Variants in STON2 observed in about 807,000 individuals in gnomAD.
The protein encoded by STON2 is stonin-2.
A neutral mutation model predicts 65.7 loss-of-function variants in STON2; 29 were observed. The observed-to-expected ratio is 0.44, with a 90% CI of 0.33 to 0.60. STON2 has a LOEUF of 0.60. Ranked by LOEUF, STON2 falls within the 20% of genes least tolerant of loss-of-function variation. The pLI is 0.03. For synonymous variants in STON2, 404 were observed against 414.2 expected (o/e 0.98, Z 0.30); for missense variants, 1,054 against 1,118.1 (o/e 0.94, Z 0.82).
At chr14:81,337,297 G>A (rs1897409630) in intron 4 of STON2, among the ~76,000 whole-genome samples, 1 of 152,174 alleles carries the variant, frequency 6.6e-6, no homozygotes, top group Non-Finnish European at 1.5e-5. Flanking sequence ...ATCTGATACA[G>A]ATTACAGTGT....
Position 81,266,972 on chromosome 14 carries a change from ATTTC to A in STON2, c.*1438_*1441del. ...TCAGATATTTCAAAATACTGTAACT[ATTTC>A]TATATCCCAGTGTCAATACACATTT... is the stretch of plus-strand genomic sequence containing the variant. On this transcript the variant is annotated 3_prime_UTR_variant, in exon 8 of 8. Transcript: ENST00000614646. The A allele has an allele frequency of 1.0e-6, 1 of 985,294 alleles. No individual in the cohort carries two copies. The highest frequency in any genetic ancestry group is 1.2e-6 in the Non-Finnish European group (1 of 829,776). 61.0% of individuals were successfully genotyped at this position (985,294 alleles called of 1,614,324 possible).
intron 4 of STON2, among the ~76,000 whole-genome samples, chr14:81,330,794 A>G (rs1178166792): frequency 6.6e-6 from 1 of 152,144 alleles, no homozygotes; most frequent in Non-Finnish European, 1.5e-5. Context: ...ATCTATTAGC[A>G]CCTACTCAAA....
intron 4 of STON2, among the ~76,000 whole-genome samples, chr14:81,365,902 C>G (rs1898701356): frequency 6.6e-6 from 1 of 152,218 alleles, no homozygotes; most frequent in Admixed American, 6.5e-5. Flanking sequence ...TCCCTCGACC[C>G]TCTTACTGTT....
At position 81,427,723 on chromosome 14, in the gene STON2, AAAAG is replaced by A. The variant is rs571496823; in HGVS notation, c.-309-515_-309-512del. On this transcript the variant is annotated intron_variant, in intron 1 of 8. Transcript: ENST00000553821. Reference sequence around the variant, plus strand: ...GAATAAGGATGAGATGGGAAAAAAAAAAAGAGAGAGAGAAAAAAGTGTGCTTTGA... The same window carrying A: ...GAATAAGGATGAGATGGGAAAAAAAAAGAGAGAGAAAAAAGTGTGCTTTGA... Among the ~76,000 whole-genome samples the A allele has an allele frequency of 2.2e-3, 328 of 152,184 alleles. 3 individuals carry two copies. Among genetic ancestry groups the A allele is most frequent in the African/African-American group, 7.5e-3 (313 of 41,536 alleles).
At chr14:81,336,543 T>A (rs532383498) in intron 4 of STON2, among the ~76,000 whole-genome samples, 2 of 151,998 alleles carry the variant, frequency 1.3e-5, no homozygotes, top group African/African-American at 2.4e-5. Flanking sequence ...GTACATGACC[T>A]GCATGGAGGG....
intron 5 of STON2, among the ~76,000 whole-genome samples, chr14:81,303,786 T>C (rs898276762): frequency 2.6e-5 from 4 of 152,234 alleles, no homozygotes; most frequent in African/African-American, 9.6e-5. Context: ...TTACATAACA[T>C]GCCTATGGTC....
At chr14:81,375,393 A>G (rs577607336) in intron 3 of STON2, among the ~76,000 whole-genome samples, 1 of 152,108 alleles carries the variant, frequency 6.6e-6, no homozygotes, top group African/African-American at 2.4e-5. Flanking sequence ...GGAAAGCCAT[A>G]TAAGATAAAA....
intron 5 of STON2, among the ~76,000 whole-genome samples, chr14:81,319,208 T>G (rs1896736487): frequency 6.6e-6 from 1 of 152,248 alleles, no homozygotes; most frequent in South Asian, 2.1e-4. Flanking sequence ...GCAGCATTAT[T>G]GTAAGCAACA....
chr14:81,418,830 C>T (rs1901566511), intron 2 of STON2, among the ~76,000 whole-genome samples: 1 of 152,156 alleles, frequency 6.6e-6, no homozygotes, highest in Admixed American at 6.5e-5. Context: ...ATAGGAAATA[C>T]ACTTAGGTAG....
In STON2 at chr14:81,366,487, C is replaced by T. The variant is rs74066424; in HGVS notation, c.571+4501G>A. Among the ~76,000 whole-genome samples, 1,176 of 152,198 alleles carry T rather than the reference C, an allele frequency of 7.7e-3. 14 individuals are homozygous for T. Among genetic ancestry groups the T allele is most frequent in the African/African-American group, 0.025 (1,054 of 41,502 alleles). ...CTGTGCTGCCAGGGAGAGCCCAGCTCAGCTGAGGGAGCTCCGGATGAGACT... is the reference window on the plus strand; with the variant it reads ...CTGTGCTGCCAGGGAGAGCCCAGCTTAGCTGAGGGAGCTCCGGATGAGACT... On this transcript the variant is annotated intron_variant, in intron 4 of 7. Transcript: ENST00000614646.
intron 7 of STON2, chr14:81,268,788 T>G: frequency 3.2e-6 from 1 of 308,572 alleles, no homozygotes; most frequent in Non-Finnish European, 4.8e-6. Flanking sequence ...TATTTTTGAC[T>G]TATTAAGTAG....
chr14:81,406,572 G>A (rs1900872067), intron 2 of STON2, among the ~76,000 whole-genome samples: 1 of 152,060 alleles, frequency 6.6e-6, no homozygotes, highest in South Asian at 2.1e-4. Context: ...ATAACTACTG[G>A]CCCTTTACAG....
At chr14:81,292,464 G>C (rs1283367471) in intron 5 of STON2, among the ~76,000 whole-genome samples, 1 of 152,190 alleles carries the variant, frequency 6.6e-6, no homozygotes, top group Admixed American at 6.5e-5. Flanking sequence ...CCTGGTGGCA[G>C]TTAACTGAAT....
intron 5 of STON2, among the ~76,000 whole-genome samples, chr14:81,279,339 T>G (rs1397980539): frequency 6.6e-6 from 1 of 152,012 alleles, no homozygotes; most frequent in Non-Finnish European, 1.5e-5. Flanking sequence ...AGACAACTCA[T>G]GAAAGAGAAA....
intron 5 of STON2, among the ~76,000 whole-genome samples, chr14:81,283,720 G>A (rs879423602): frequency 6.6e-5 from 10 of 151,948 alleles, no homozygotes; most frequent in Non-Finnish European, 1.3e-4. Context: ...TAGTAGAGAC[G>A]GGGTTTCACT....
chr14:81,306,333 G>T (rs934010015), intron 5 of STON2, among the ~76,000 whole-genome samples: 4 of 143,568 alleles, frequency 2.8e-5, no homozygotes, highest in Non-Finnish European at 6.0e-5. Context: ...GGGTTCAAGT[G>T]ATTCTCGTGT....
At chr14:81,350,463 A>C (rs1897980787) in intron 4 of STON2, among the ~76,000 whole-genome samples, 1 of 148,542 alleles carries the variant, frequency 6.7e-6, no homozygotes, top group African/African-American at 2.6e-5. Flanking sequence ...AAGGCAGTCC[A>C]TTGTTTAATT....
At chr14:81,272,914 C>T (rs929305898) in intron 6 of STON2, among the ~76,000 whole-genome samples, 2 of 152,046 alleles carry the variant, frequency 1.3e-5, no homozygotes, top group African/African-American at 4.8e-5. Context: ...GTAAATTGCC[C>T]GAGGTCACAC....
intron 4 of STON2, among the ~76,000 whole-genome samples, chr14:81,355,617 T>C (rs572311310): frequency 6.6e-6 from 1 of 152,354 alleles, no homozygotes; most frequent in African/African-American, 2.4e-5. Flanking sequence ...ATTGCCAGTA[T>C]GCCTACCTTA....
Sources: allele counts gnomAD v4.1 joint callset (sites outside exome capture counted in the v4.1 genomes callset), GRCh38; gene constraint gnomAD v4.1.1; transcripts MANE v1.5; gene names NCBI Gene and HGNC (gene_info 2026-07-23, HGNC 2026-07-21).